Variants in AFF3 observed in about 807,000 individuals in gnomAD.
AFF3 encodes ALF transcription elongation factor 3, also known as AF4/FMR2 family member 3.
In AFF3, 32 loss-of-function variants were observed where a neutral mutation model predicts 129.7. The observed-to-expected ratio is 0.25, with a 90% CI of 0.19 to 0.33. The LOEUF (loss-of-function observed/expected upper bound fraction) is 0.33. AFF3 is among the 10% of genes least tolerant of loss of function. The pLI is 1.00. For missense variants in AFF3, 1,373 were observed against 1,592.0 expected (o/e 0.86, Z 2.34); for synonymous variants, 644 against 635.4 (o/e 1.01, Z -0.20).
intron 7 of AFF3, among the ~76,000 whole-genome samples, chr2:99,879,994 T>C (rs1692588140): frequency 6.6e-6 from 1 of 152,242 alleles, no homozygotes; most frequent in Admixed American, 6.5e-5. Flanking sequence ...CGTGTTCATT[T>C]AATTGCTAAT....
intron 13 of AFF3, among the ~76,000 whole-genome samples, chr2:99,628,617 C>T (rs1362095101): frequency 7.3e-5 from 11 of 151,236 alleles, no homozygotes; most frequent in Non-Finnish European, 1.0e-4. Flanking sequence ...AGTGCACTGG[C>T]GTGATCTTGG....
chr2:99,827,453 G>A (rs1254220241), intron 8 of AFF3, among the ~76,000 whole-genome samples: 4 of 152,064 alleles, frequency 2.6e-5, no homozygotes, highest in African/African-American at 7.2e-5. Context: ...ATCACATGGG[G>A]AAATGCTCTC....
At chr2:99,753,204 AT>A (rs1312040737) in intron 8 of AFF3, among the ~76,000 whole-genome samples, 3 of 152,008 alleles carry the variant, frequency 2.0e-5, no homozygotes, top group African/African-American at 7.2e-5. Flanking sequence ...GGTTCAAGTG[AT>A]TCTCCTGCCT....
intron 2 of AFF3, among the ~76,000 whole-genome samples, chr2:100,108,335 C>T (rs1367168403): frequency 1.3e-5 from 2 of 152,138 alleles, no homozygotes; most frequent in African/African-American, 4.8e-5. Flanking sequence ...GTGGTTCTAA[C>T]CTAGGATTCG....
intron 9 of AFF3, among the ~76,000 whole-genome samples, chr2:99,749,782 A>G (rs1431020648): frequency 6.6e-6 from 1 of 152,228 alleles, no homozygotes; most frequent in Non-Finnish European, 1.5e-5. Context: ...CTTCACTGAA[A>G]AAGCTTCTTG....
chr2:99,782,991 T>G (rs373812097), intron 8 of AFF3, among the ~76,000 whole-genome samples: 12 of 152,334 alleles, frequency 7.9e-5, no homozygotes, highest in African/African-American at 2.9e-4. Context: ...TCTGAGAATT[T>G]TATGAGAGAT....
intron 10 of AFF3, among the ~76,000 whole-genome samples, chr2:99,730,072 TC>T (rs1345658589): frequency 6.6e-6 from 1 of 152,208 alleles, no homozygotes; most frequent in African/African-American, 2.4e-5. Context: ...AATTTGACAG[TC>T]CATATTTGTC....
At chr2:100,039,385 C>T (rs995778880) in intron 4 of AFF3, among the ~76,000 whole-genome samples, 3 of 152,064 alleles carry the variant, frequency 2.0e-5, no homozygotes, top group Non-Finnish European at 1.5e-5. Context: ...ACAGTGAGAC[C>T]CCATCTTTAC....
At chr2:99,591,063 T>C (rs1678623356) in intron 15 of AFF3, among the ~76,000 whole-genome samples, 1 of 152,236 alleles carries the variant, frequency 6.6e-6, no homozygotes, top group African/African-American at 2.4e-5. Flanking sequence ...AAGCTGCCCC[T>C]TGAACATATT....
intron 7 of AFF3, among the ~76,000 whole-genome samples, chr2:99,953,906 T>C (rs1361643591): frequency 2.6e-5 from 4 of 152,076 alleles, no homozygotes; most frequent in African/African-American, 9.7e-5. Flanking sequence ...TGATCAATGG[T>C]CCAAAGAGGG....
At chr2:99,934,208 T>C (rs1674311663) in intron 7 of AFF3, among the ~76,000 whole-genome samples, 1 of 152,114 alleles carries the variant, frequency 6.6e-6, no homozygotes, top group African/African-American at 2.4e-5. Context: ...GGGAGTAGGA[T>C]CTAGACAGGG....
chr2:100,130,406 G>C (rs750030427), intron 1 of AFF3, among the ~76,000 whole-genome samples: 15 of 152,194 alleles, frequency 9.9e-5, no homozygotes, highest in African/African-American at 1.4e-4. Context: ...CACCCGCTCT[G>C]AAGAGTGCAC....
chr2:99,711,901 C>T (rs950829610), intron 11 of AFF3, among the ~76,000 whole-genome samples: 1 of 152,108 alleles, frequency 6.6e-6, no homozygotes, highest in African/African-American at 2.4e-5. Context: ...CACAATCTCC[C>T]ACAGCCCGGG....
chr2:99,634,968 C>CACACACACAT (rs1201734263), intron 13 of AFF3, among the ~76,000 whole-genome samples: 7 of 137,112 alleles, frequency 5.1e-5, no homozygotes, highest in Non-Finnish European at 3.0e-5. Context: ...CTGTCATACA[C>CACACACACAT]ACACACACAC....
chr2:99,832,639 A>G (rs535396865), intron 8 of AFF3, among the ~76,000 whole-genome samples: 1 of 152,262 alleles, frequency 6.6e-6, no homozygotes, highest in Non-Finnish European at 1.5e-5. Flanking sequence ...AATGAGATAT[A>G]AAAGTGTGGT....
intron 8 of AFF3, among the ~76,000 whole-genome samples, chr2:99,769,986 C>T (rs1009150859): frequency 6.6e-6 from 1 of 152,178 alleles, no homozygotes; most frequent in Non-Finnish European, 1.5e-5. Context: ...AAGGCCACTC[C>T]CTGGCTACAG....
intron 7 of AFF3, among the ~76,000 whole-genome samples, chr2:99,967,309 T>C (rs900262674): frequency 1.3e-5 from 2 of 149,466 alleles, no homozygotes; most frequent in East Asian, 4.1e-4. Flanking sequence ...CCAAGCACTT[T>C]AATGCTGATG....
chr2:99,959,574 A>G (rs1178684271), intron 7 of AFF3, among the ~76,000 whole-genome samples: 1 of 151,520 alleles, frequency 6.6e-6, no homozygotes, highest in Non-Finnish European at 1.5e-5. Context: ...TGAAGCATAA[A>G]AAAAATCTTC....
intron 8 of AFF3, among the ~76,000 whole-genome samples, chr2:99,822,235 C>T (rs1687744056): frequency 6.6e-6 from 1 of 151,468 alleles, no homozygotes; most frequent in South Asian, 2.1e-4. Flanking sequence ...CTTAATGGGC[C>T]CTTCATCATT....
Sources: gnomAD v4.1 joint callset for allele counts (sites outside exome capture counted in the v4.1 genomes callset) on GRCh38, gnomAD v4.1.1 for gene constraint, MANE v1.5 for transcripts, NCBI Gene and HGNC (gene_info 2026-07-23, HGNC 2026-07-21) for gene names.